SYNPO2: variants seen among roughly 807,000 people sequenced by gnomAD.
The protein encoded by SYNPO2 is synaptopodin-2.
In SYNPO2, 56 loss-of-function variants were observed where a neutral mutation model predicts 85.0. The observed-to-expected ratio is 0.66, with a 90% confidence interval of 0.53 to 0.82. The LOEUF (loss-of-function observed/expected upper bound fraction) is 0.82, where lower values mean the gene tolerates loss of function less well. SYNPO2 is among the 40% of genes least tolerant of loss of function. The pLI is 0.00. For synonymous variants in SYNPO2, 602 were observed against 591.1 expected, an observed-to-expected ratio of 1.02 and a Z score of -0.27; for missense variants, 1,575 against 1,534.2, an observed-to-expected ratio of 1.03 and a Z score of -0.44.
chr4:119,034,271 A>G, intron 4 of SYNPO2: 1 of 985,432 alleles, frequency 1.0e-6, no homozygotes, highest in Non-Finnish European at 1.2e-6. Flanking sequence ...GGCATGAATT[A>G]GAGGAAAGAC....
chr4:119,023,008 C>T (rs1480995151), intron 1 of SYNPO2, among the ~76,000 whole-genome samples: 1 of 151,486 alleles, frequency 6.6e-6, no homozygotes, highest in African/African-American at 2.4e-5. Flanking sequence ...GAACTCCTGA[C>T]CTCGTGATCC....
intron 1 of SYNPO2, among the ~76,000 whole-genome samples, chr4:118,870,231 C>T (rs1731777944): frequency 6.6e-6 from 1 of 152,186 alleles, no homozygotes; most frequent in Non-Finnish European, 1.5e-5. Context: ...GCTGCACTAG[C>T]CCACAAGGAA....
intron 1 of SYNPO2, among the ~76,000 whole-genome samples, chr4:118,959,257 A>G (rs367690702): frequency 4.1e-4 from 62 of 152,350 alleles, no homozygotes; most frequent in African/African-American, 1.4e-3. Flanking sequence ...TCACTGACCA[A>G]TCACGGAGGT....
chr4:118,971,675 G>A (rs1335760683), intron 1 of SYNPO2, among the ~76,000 whole-genome samples: 1 of 152,234 alleles, frequency 6.6e-6, no homozygotes, highest in Non-Finnish European at 1.5e-5. Context: ...TGAAGCACAA[G>A]TGAGCGCATC....
intron 1 of SYNPO2, among the ~76,000 whole-genome samples, chr4:118,963,931 G>GCAAT (rs1039692634): frequency 1.3e-5 from 2 of 152,102 alleles, no homozygotes; most frequent in Non-Finnish European, 2.9e-5. Context: ...TCCTCGAAAT[G>GCAAT]CAATCAATCA....
chr4:118,903,719 A>ATTTTTT (rs11452956), intron 1 of SYNPO2, among the ~76,000 whole-genome samples: 1 of 148,354 alleles, frequency 6.7e-6, no homozygotes, highest in Non-Finnish European at 1.5e-5. Flanking sequence ...AAATGGTACA[A>ATTTTTT]TTTTTTTTTT....
At chr4:118,869,142 C>A (rs1468693854) in intron 1 of SYNPO2, among the ~76,000 whole-genome samples, 1 of 152,146 alleles carries the variant, frequency 6.6e-6, no homozygotes, top group African/African-American at 2.4e-5. Context: ...CGGCAACCTC[C>A]ACCTCCCAGG....
At chr4:118,975,753 T>G (rs1735700625) in intron 1 of SYNPO2, among the ~76,000 whole-genome samples, 1 of 152,118 alleles carries the variant, frequency 6.6e-6, no homozygotes, top group South Asian at 2.1e-4. Flanking sequence ...CAACCAGCAT[T>G]AAGTGACCCA....
At chr4:118,981,363 A>G (rs371961797) in intron 1 of SYNPO2, among the ~76,000 whole-genome samples, 54 of 152,332 alleles carry the variant, frequency 3.5e-4, no homozygotes, top group African/African-American at 1.2e-3. Flanking sequence ...AGTTAATCAT[A>G]GGCATGAGAG....
intron 1 of SYNPO2, among the ~76,000 whole-genome samples, chr4:118,991,302 C>T (rs556600084): frequency 2.0e-5 from 3 of 152,196 alleles, no homozygotes; most frequent in East Asian, 1.9e-4. Context: ...CACGCACCAC[C>T]GCACCTGGCT....
chr4:118,898,043 C>T (rs1732603656), intron 1 of SYNPO2, among the ~76,000 whole-genome samples: 1 of 152,060 alleles, frequency 6.6e-6, no homozygotes, highest in Non-Finnish European at 1.5e-5. Flanking sequence ...TATAATTCTG[C>T]TTTCTGAAGG....
intron 1 of SYNPO2, among the ~76,000 whole-genome samples, chr4:118,962,327 T>C (rs998316336): frequency 2.6e-5 from 4 of 152,212 alleles, no homozygotes; most frequent in Non-Finnish European, 5.9e-5. Flanking sequence ...ATCTTTGACA[T>C]ACTATGCTTT....
At chr4:118,987,517 T>C (rs1320365773) in intron 1 of SYNPO2, among the ~76,000 whole-genome samples, 3 of 151,918 alleles carry the variant, frequency 2.0e-5, no homozygotes, top group Admixed American at 2.0e-4. Flanking sequence ...AAAACAAAGT[T>C]CCCTGGGTGT....
chr4:118,966,278 TCCTATA>T lies in SYNPO2; in HGVS notation c.106-57148_106-57143del, dbSNP rs931676802. Among the ~76,000 whole-genome samples, 92 of 152,324 alleles carry T rather than the reference TCCTATA, an allele frequency of 6.0e-4. 1 individual carries two copies. Among genetic ancestry groups the T allele is most frequent in the African/African-American group, 2.2e-3 (91 of 41,588 alleles). On this transcript the variant is annotated intron_variant, in intron 1 of 4. Coordinates refer to ENST00000307142, the MANE Select transcript of SYNPO2 (RefSeq NM_133477.3). Reference sequence around the variant, plus strand: ...GGCATTCATCATCGCTCCCTCTGGCTCCTATACCTCAATGCTCAAGCAATACCTTTA... The same window carrying T: ...GGCATTCATCATCGCTCCCTCTGGCTCCTCAATGCTCAAGCAATACCTTTA...
At chr4:118,904,814 A>T (rs1248480980) in intron 1 of SYNPO2, among the ~76,000 whole-genome samples, 1 of 145,862 alleles carries the variant, frequency 6.9e-6, no homozygotes, top group East Asian at 2.0e-4. Context: ...TGAGAGTCGG[A>T]TAATACCATA....
chr4:119,026,947 C>G lies in SYNPO2; in HGVS notation c.578C>G (p.Pro193Arg), dbSNP rs1440917086. 1 of 1,614,066 alleles carries G rather than the reference C, an allele frequency of 6.2e-7. No homozygotes were observed. The highest frequency in any genetic ancestry group is 8.5e-7 in the Non-Finnish European group (1 of 1,180,038). Residue 193 changes from proline to arginine, a missense_variant, in exon 3 of 5, where the codon CCT becomes CGT. Pro to Arg is a moderately radical substitution (Grantham distance 103, BLOSUM62 -2). Coordinates refer to ENST00000307142, the MANE Select transcript of SYNPO2 (RefSeq NM_133477.3). ...ILREKVEAVQPGPVVELQLSL... is the reference protein window; with the variant it reads ...ILREKVEAVQRGPVVELQLSL... The stretch of plus-strand genomic sequence containing the variant: ...AGGGAGAAGGTAGAAGCGGTACAGC[C>G]TGGGCCTGTGGTTGAGCTGCAACTG...
At chr4:118,941,878 T>G (rs1015716725) in intron 1 of SYNPO2, among the ~76,000 whole-genome samples, 6 of 152,174 alleles carry the variant, frequency 3.9e-5, no homozygotes, top group Non-Finnish European at 5.9e-5. Flanking sequence ...GTGTTTTCCG[T>G]AGGAAAGGCA....
At chr4:118,877,778 A>G (rs1357578554) in intron 1 of SYNPO2, among the ~76,000 whole-genome samples, 1 of 152,190 alleles carries the variant, frequency 6.6e-6, no homozygotes, top group African/African-American at 2.4e-5. Flanking sequence ...TAGTCCAGAC[A>G]ATATGAAAAG....
chr4:118,932,133 T>C (rs1169761960), intron 1 of SYNPO2, among the ~76,000 whole-genome samples: 1 of 152,164 alleles, frequency 6.6e-6, no homozygotes, highest in African/African-American at 2.4e-5. Flanking sequence ...CTGACTGAAA[T>C]AGGATCATTT....
Sources: gnomAD v4.1 joint callset for allele counts (sites outside exome capture counted in the v4.1 genomes callset) on GRCh38, gnomAD v4.1.1 for gene constraint, MANE v1.5 for transcripts, NCBI Gene and HGNC (gene_info 2026-07-23, HGNC 2026-07-21) for gene names.